The following CATSPERB variants were observed in gnomAD, a reference collection of about 807,000 sequenced individuals.
CATSPERB encodes the protein catsper channel auxiliary subunit beta.
CATSPERB carries 93 observed loss-of-function variants against 128.3 expected under a neutral mutation model. That is an observed-to-expected ratio of 0.72 (90% CI 0.61 to 0.86). The LOEUF (loss-of-function observed/expected upper bound fraction) is 0.86. Among genes scored for constraint, CATSPERB ranks in the 40% least tolerant of loss-of-function variants. The pLI is 0.00. For synonymous variants in CATSPERB, 381 were observed against 448.8 expected, an observed-to-expected ratio of 0.85 and a Z score of 1.91; for missense variants, 1,153 against 1,329.5, an observed-to-expected ratio of 0.87 and a Z score of 2.06.
chr14:91,587,628 T>C (rs1409615489), intron 25 of CATSPERB, among the ~76,000 whole-genome samples: 1 of 152,054 alleles, frequency 6.6e-6, no homozygotes, highest in Non-Finnish European at 1.5e-5. Flanking sequence ...ATCTGTATTA[T>C]ACCAACTTCA....
chr14:91,583,189 C>T (rs1459749848), intron 26 of CATSPERB, among the ~76,000 whole-genome samples: 6 of 152,266 alleles, frequency 3.9e-5, no homozygotes, highest in Admixed American at 1.3e-4. Context: ...GAGGCCAAGG[C>T]GGGCAGATCA....
chr14:91,641,417 G>A (rs968677537), intron 15 of CATSPERB, among the ~76,000 whole-genome samples: 1 of 151,812 alleles, frequency 6.6e-6, no homozygotes, highest in African/African-American at 2.4e-5. Flanking sequence ...TTTTGTATAA[G>A]GTGTAAGGAA....
chr14:91,646,080 C>T (rs982970373), intron 15 of CATSPERB: 14 of 154,920 alleles, frequency 9.0e-5, no homozygotes, highest in South Asian at 2.0e-4. Flanking sequence ...GCACGGTGCG[C>T]GCACCAACTG....
intron 22 of CATSPERB, among the ~76,000 whole-genome samples, chr14:91,595,782 A>T (rs1327401586): frequency 6.6e-6 from 1 of 152,242 alleles, no homozygotes; most frequent in Non-Finnish European, 1.5e-5. Flanking sequence ...TTGCAAAAGA[A>T]AACAGATTCT....
chr14:91,615,500 A>G (rs1030391052), intron 20 of CATSPERB, among the ~76,000 whole-genome samples: 5 of 152,104 alleles, frequency 3.3e-5, no homozygotes, highest in South Asian at 2.1e-4. Context: ...CTCTGCTTCT[A>G]TGAGTTCAAT....
chr14:91,672,628 A>G (rs1346429080), intron 13 of CATSPERB, among the ~76,000 whole-genome samples: 1 of 152,270 alleles, frequency 6.6e-6, no homozygotes, highest in Non-Finnish European at 1.5e-5. Flanking sequence ...TTAGAGAATT[A>G]GCAAGGGAGA....
At position 91,669,797 on chromosome 14, in the gene CATSPERB, G is replaced by T; in HGVS notation, c.1287+17C>A. 1 of 1,599,028 alleles carries T rather than the reference G, an allele frequency of 6.3e-7. No individual in the cohort carries two copies. Among genetic ancestry groups the T allele is most frequent in the Non-Finnish European group, 8.5e-7 (1 of 1,173,064 alleles). On this transcript the variant is annotated intron_variant, in intron 14 of 26. Coordinates refer to ENST00000256343, the MANE Select transcript of CATSPERB (RefSeq NM_024764.4). ...TGATTTAACTCTAACACAGACTGAAGTTCCATGTGTACGCACCTGATTGCC... is the reference window on the plus strand; with the variant it reads ...TGATTTAACTCTAACACAGACTGAATTTCCATGTGTACGCACCTGATTGCC...
chr14:91,655,080 T>C (rs1300622161), intron 15 of CATSPERB, among the ~76,000 whole-genome samples: 1 of 152,206 alleles, frequency 6.6e-6, no homozygotes, highest in African/African-American at 2.4e-5. Context: ...GCAGTACTTC[T>C]ACAAGTTGGC....
intron 11 of CATSPERB, among the ~76,000 whole-genome samples, chr14:91,679,605 T>C (rs1175860001): frequency 2.0e-5 from 3 of 152,222 alleles, no homozygotes; most frequent in Non-Finnish European, 4.4e-5. Flanking sequence ...TAACCTTCTA[T>C]GTTGCCCTTA....
intron 15 of CATSPERB, among the ~76,000 whole-genome samples, chr14:91,652,348 C>T (rs1469263635): frequency 6.6e-6 from 1 of 151,856 alleles, no homozygotes; most frequent in Non-Finnish European, 1.5e-5. Context: ...ATTACTCATG[C>T]AAACTAAATC....
chr14:91,637,539 A>T (rs1193783300), intron 16 of CATSPERB, among the ~76,000 whole-genome samples: 1 of 152,232 alleles, frequency 6.6e-6, no homozygotes, highest in Non-Finnish European at 1.5e-5. Flanking sequence ...CAGGTGGCTA[A>T]GAGCACAGGC....
intron 22 of CATSPERB, among the ~76,000 whole-genome samples, chr14:91,607,765 T>G (rs998116717): frequency 9.9e-5 from 15 of 152,030 alleles, no homozygotes; most frequent in Admixed American, 7.9e-4. Context: ...TCTGGAGAGA[T>G]TCCACAGGCG....
intron 15 of CATSPERB, among the ~76,000 whole-genome samples, chr14:91,650,319 G>C (rs1894682321): frequency 6.6e-6 from 1 of 152,122 alleles, no homozygotes. Context: ...GTGCAGAGAA[G>C]AAAATAAAGC....
chr14:91,611,142 A>C (rs561288519), intron 20 of CATSPERB, among the ~76,000 whole-genome samples: 1 of 152,238 alleles, frequency 6.6e-6, no homozygotes, highest in South Asian at 2.1e-4. Flanking sequence ...TAGAAAACTA[A>C]AAAATATAGA....
intron 15 of CATSPERB, among the ~76,000 whole-genome samples, chr14:91,640,364 A>G (rs56407549): frequency 7.9e-6 from 1 of 126,276 alleles, no homozygotes; most frequent in Non-Finnish European, 1.6e-5. Context: ...ATCTAGCATT[A>G]GGTATATCTC....
At position 91,580,932 on chromosome 14, in the gene CATSPERB, A is replaced by C; in HGVS notation, c.3308T>G (p.Ile1103Ser). The change falls in exon 27 of 27, where the codon ATC (isoleucine) becomes AGC (serine). Residue 1103 changes from isoleucine to serine, a missense_variant. By Grantham distance (142) the Ile-to-Ser change is moderately radical. Transcript: ENST00000256343. Reference protein sequence around the residue: ...IRRNQEKFSSISLSELIHRSK... With the variant: ...IRRNQEKFSSSSLSELIHRSK... ...TCTATGAATCAGCTCACTGAGAGAG[A>C]TACTTGAAAACTTCTCTTGGTTTCT... 6.2e-7 allele frequency: 1 copy of C among 1,614,242 alleles called. No homozygotes were observed. Among genetic ancestry groups the C allele is most frequent in the East Asian group, 2.2e-5 (1 of 44,888 alleles).
rs760035508 is a variant in CATSPERB at position 91,625,025 on chromosome 14, C to T, written c.1743-18G>A. ...CAGTTTTCCTAAAAACAAATAAAAC[C>T]ATTAAGCAATTTGGATAAAACAGTG... On this transcript the variant is annotated intron_variant, in intron 17 of 26. Coordinates refer to ENST00000256343, the MANE Select transcript of CATSPERB (RefSeq NM_024764.4). 16 of 1,523,794 alleles carry T rather than the reference C, an allele frequency of 1.1e-5. No individual in the cohort carries two copies. The East Asian group carries it at 3.5e-4, about 33-fold the overall frequency. The allele number at this position is 1,523,794 out of a possible 1,614,324, so 94.4% of individuals were successfully genotyped here. A position where few individuals can be genotyped will look rare whatever the true frequency, so the allele number is the denominator to read the frequency against.
At chr14:91,716,345 C>T (rs1043613460) in intron 5 of CATSPERB, among the ~76,000 whole-genome samples, 1 of 152,232 alleles carries the variant, frequency 6.6e-6, no homozygotes, top group Non-Finnish European at 1.5e-5. Context: ...AATCCCAGCA[C>T]TTTGGGAGGC....
At chr14:91,603,385 C>T (rs939760734) in intron 22 of CATSPERB, 1 of 1,609,966 alleles carries the variant, frequency 6.2e-7, no homozygotes, top group African/African-American at 1.3e-5. Context: ...CCAACAGCCT[C>T]AATATTAAAG....
Sources: allele counts gnomAD v4.1 joint callset (sites outside exome capture counted in the v4.1 genomes callset), GRCh38; gene constraint gnomAD v4.1.1; transcripts MANE v1.5; gene names NCBI Gene and HGNC (gene_info 2026-07-23, HGNC 2026-07-21).